The following LRP1B variants were observed in gnomAD, a reference collection of about 807,000 sequenced individuals.
LRP1B encodes low-density lipoprotein receptor-related protein 1B.
A neutral mutation model predicts 556.6 loss-of-function variants in LRP1B; 217 were observed. The observed-to-expected ratio is 0.39, with a 90% CI of 0.35 to 0.44. LRP1B has a LOEUF of 0.44. Among genes scored for constraint, LRP1B ranks in the 20% least tolerant of loss-of-function variants. The pLI, the probability that LRP1B is intolerant of heterozygous loss-of-function variation, is 1.00. For synonymous variants in LRP1B, 2,047 were observed against 1,865.8 expected, an observed-to-expected ratio of 1.10 and a Z score of -2.50; for missense variants, 5,053 against 5,620.8, an observed-to-expected ratio of 0.90 and a Z score of 3.23.
intron 71 of LRP1B, among the ~76,000 whole-genome samples, chr2:140,365,714 G>A (rs1332047717): frequency 6.6e-6 from 1 of 151,648 alleles, no homozygotes; most frequent in Non-Finnish European, 1.5e-5. Flanking sequence ...ATAGAATTAA[G>A]ATAAATTAGA....
Position 141,488,101 on chromosome 2 carries a change from G to A in LRP1B, c.206-7568C>T, listed in dbSNP as rs77313636. On this transcript the variant is annotated intron_variant, in intron 2 of 90. Transcript: ENST00000389484. ...CTATATCACACTTTTTTTGGTACAGGCCTCATTGTATAGTTTATGAAATGT... is the reference window on the plus strand; with the variant it reads ...CTATATCACACTTTTTTTGGTACAGACCTCATTGTATAGTTTATGAAATGT... 8.1e-3 allele frequency among the ~76,000 whole-genome samples: 1,225 copies of A among 152,114 alleles called. 9 individuals are homozygous for A. Among genetic ancestry groups the A allele is most frequent in the Non-Finnish European group, 0.012 (825 of 67,990 alleles).
intron 2 of LRP1B, among the ~76,000 whole-genome samples, chr2:141,550,089 A>G (rs1017513628): frequency 2.6e-5 from 4 of 152,248 alleles, no homozygotes; most frequent in African/African-American, 7.2e-5. Context: ...CATTGACTAC[A>G]TGCATTTTAT....
intron 1 of LRP1B, among the ~76,000 whole-genome samples, chr2:142,106,601 T>A (rs1322091386): frequency 6.6e-6 from 1 of 152,188 alleles, no homozygotes; most frequent in African/African-American, 2.4e-5. Flanking sequence ...GATTTTAAAA[T>A]ATTTCCTTTT....
At chr2:141,495,055 T>G (rs1683465983) in intron 2 of LRP1B, among the ~76,000 whole-genome samples, 1 of 151,976 alleles carries the variant, frequency 6.6e-6, no homozygotes, top group Admixed American at 6.6e-5. Context: ...AATACAAAAC[T>G]GTAACAATAG....
intron 2 of LRP1B, among the ~76,000 whole-genome samples, chr2:141,720,325 C>A (rs983529879): frequency 3.0e-4 from 45 of 152,010 alleles, no homozygotes; most frequent in Non-Finnish European, 1.5e-5. Flanking sequence ...AACAATGTAT[C>A]TTTTAAAACT....
intron 3 of LRP1B, among the ~76,000 whole-genome samples, chr2:141,264,446 TTTAG>T (rs1190134859): frequency 6.6e-6 from 1 of 152,034 alleles, no homozygotes; most frequent in African/African-American, 2.4e-5. Context: ...GTTGGCGGTA[TTTAG>T]TTATTCATTA....
intron 66 of LRP1B, among the ~76,000 whole-genome samples, chr2:140,426,399 C>A (rs923202209): frequency 6.6e-6 from 1 of 152,090 alleles, no homozygotes; most frequent in Non-Finnish European, 1.5e-5. Flanking sequence ...TTCTTTCAGG[C>A]CTCTGAGCCC....
chr2:141,587,183 T>G (rs1687172735), intron 2 of LRP1B, among the ~76,000 whole-genome samples: 1 of 152,194 alleles, frequency 6.6e-6, no homozygotes, highest in East Asian at 1.9e-4. Flanking sequence ...ATTTTTTGTC[T>G]TATCAGCAAA....
At chr2:141,603,542 C>T (rs1687821999) in intron 2 of LRP1B, among the ~76,000 whole-genome samples, 2 of 152,192 alleles carry the variant, frequency 1.3e-5, no homozygotes, top group South Asian at 4.1e-4. Context: ...TGGGATCATT[C>T]AGAATTTAGC....
intron 75 of LRP1B, among the ~76,000 whole-genome samples, chr2:140,354,496 T>C (rs1421610439): frequency 6.6e-6 from 1 of 152,110 alleles, no homozygotes; most frequent in Non-Finnish European, 1.5e-5. Flanking sequence ...TGAAGTAGAA[T>C]GCATCTTGTC....
At position 141,693,944 on chromosome 2, in the gene LRP1B, G is replaced by A. The variant is rs553671085; in HGVS notation, c.205+116335C>T. 3.9e-5 allele frequency among the ~76,000 whole-genome samples: 6 copies of A among 152,126 alleles called. No homozygotes were observed. In the South Asian group the frequency reaches 1.2e-3, roughly 32 times the overall value. ...AGAAGCCACATGAATTGAGAAGTTT[G>A]TCTAGGTTGCCTAAAAACACAAACA... On this transcript the variant is annotated intron_variant, in intron 2 of 90. Coordinates refer to ENST00000389484, the MANE Select transcript of LRP1B (RefSeq NM_018557.3).
chr2:140,539,829 T>C (rs1463765413), intron 45 of LRP1B, among the ~76,000 whole-genome samples: 1 of 152,182 alleles, frequency 6.6e-6, no homozygotes, highest in Non-Finnish European at 1.5e-5. Context: ...GCCCGAAATA[T>C]GGAAATTGGC....
At chr2:140,254,288 G>A (rs555332657) in intron 86 of LRP1B, among the ~76,000 whole-genome samples, 1 of 152,088 alleles carries the variant, frequency 6.6e-6, no homozygotes, top group African/African-American at 2.4e-5. Flanking sequence ...ATATCAGGAG[G>A]TGTTATTACA....
chr2:141,736,086 G>C (rs1693456209), intron 2 of LRP1B, among the ~76,000 whole-genome samples: 2 of 152,098 alleles, frequency 1.3e-5, no homozygotes, highest in African/African-American at 4.8e-5. Flanking sequence ...CTCTCTCTAG[G>C]GGCAGGTTGT....
chr2:140,526,568 T>G (rs1318155997), intron 47 of LRP1B, among the ~76,000 whole-genome samples: 2 of 151,746 alleles, frequency 1.3e-5, no homozygotes, highest in Admixed American at 1.3e-4. Context: ...GTTGTGGTAT[T>G]TAGCATATTG....
chr2:141,218,957 G>A (rs766550761), intron 6 of LRP1B, among the ~76,000 whole-genome samples: 1 of 152,194 alleles, frequency 6.6e-6, no homozygotes, highest in Non-Finnish European at 1.5e-5. Context: ...AAAGCAGGGT[G>A]GTGCAATGAC....
intron 2 of LRP1B, among the ~76,000 whole-genome samples, chr2:141,734,165 T>C (rs140106734): frequency 1.1e-4 from 17 of 152,230 alleles, no homozygotes; most frequent in Middle Eastern, 3.4e-3. Context: ...TCCATTGTAA[T>C]TAATTGACGA....
chr2:141,589,078 C>A (rs72855448), intron 2 of LRP1B, among the ~76,000 whole-genome samples: 1 of 152,088 alleles, frequency 6.6e-6, no homozygotes, highest in African/African-American at 2.4e-5. Flanking sequence ...TATTACCCAA[C>A]AACTATATTA....
At chr2:141,874,930 T>G (rs1698707233) in intron 1 of LRP1B, among the ~76,000 whole-genome samples, 1 of 151,874 alleles carries the variant, frequency 6.6e-6, no homozygotes. Flanking sequence ...AGTAAAAATT[T>G]AATTAAACCC....
Sources: allele counts gnomAD v4.1 joint callset (sites outside exome capture counted in the v4.1 genomes callset), GRCh38; gene constraint gnomAD v4.1.1; transcripts MANE v1.5; gene names NCBI Gene and HGNC (gene_info 2026-07-23, HGNC 2026-07-21).